Variants in FXR1 observed in about 807,000 individuals in gnomAD.
FXR1 encodes the protein FMR1 autosomal homolog 1, also known as RNA-binding protein FXR1.
FXR1 carries 15 observed loss-of-function variants against 84.0 expected under a neutral mutation model. That is an observed-to-expected ratio of 0.18 (90% CI 0.12 to 0.27). FXR1 has a LOEUF of 0.27. Among genes scored for constraint, FXR1 ranks in the 10% least tolerant of loss-of-function variants. The pLI is 1.00. For synonymous variants in FXR1, 245 were observed against 250.7 expected, an observed-to-expected ratio of 0.98 and a Z score of 0.21; for missense variants, 480 against 774.4, an observed-to-expected ratio of 0.62 and a Z score of 4.51.
chr3:180,943,597 T>A (rs1281631498), intron 3 of FXR1, among the ~76,000 whole-genome samples: 1 of 152,132 alleles, frequency 6.6e-6, no homozygotes, highest in Non-Finnish European at 1.5e-5. Flanking sequence ...CTTAGGAATT[T>A]AGGTTTAGTC....
chr3:180,931,225 T>G (rs1169036456), intron 1 of FXR1, among the ~76,000 whole-genome samples: 3 of 151,990 alleles, frequency 2.0e-5, no homozygotes, highest in African/African-American at 4.8e-5. Context: ...GTCTTTTTTG[T>G]TTTTTTCTTT....
In FXR1 at chr3:180,954,987, A is replaced by AT. The variant is rs35677270; in HGVS notation, c.880+1165dup. 4.4e-3 allele frequency among the ~76,000 whole-genome samples: 580 copies of AT among 132,694 alleles called. 3 individuals carry two copies. Among genetic ancestry groups the AT allele is most frequent in the South Asian group, 0.023 (96 of 4,104 alleles). The allele number at this position is 132,694 out of a possible 152,430, so 87.1% of individuals were successfully genotyped here. On this transcript the variant is annotated intron_variant, in intron 9 of 16. Coordinates refer to ENST00000357559, the MANE Select transcript of FXR1 (RefSeq NM_005087.4). Reference sequence around the variant, plus strand: ...ACTGTTAGTATTTATGTAAAAATAAATTTTTTTTTTTTTTTTTTGGAGATG... The same window carrying AT: ...ACTGTTAGTATTTATGTAAAAATAAATTTTTTTTTTTTTTTTTTTGGAGATG...
intron 1 of FXR1, among the ~76,000 whole-genome samples, chr3:180,926,262 A>T (rs1010224406): frequency 6.6e-6 from 1 of 152,088 alleles, no homozygotes. Context: ...CAAACTATGT[A>T]AGAATACTTG....
intron 1 of FXR1, among the ~76,000 whole-genome samples, chr3:180,930,509 AC>A (rs1719761327): frequency 6.6e-6 from 1 of 152,186 alleles, no homozygotes; most frequent in South Asian, 2.1e-4. Context: ...TTATACAGAG[AC>A]TAGAAAGATT....
intron 11 of FXR1, 150 bp from the exon 12 acceptor site, chr3:180,962,733 C>G (rs925772862): frequency 1.6e-6 from 1 of 625,918 alleles, no homozygotes; most frequent in Admixed American, 2.9e-5. Flanking sequence ...CAAATGACCT[C>G]ATCAATTCTG....
chr3:180,971,361 A>G (rs1415187322), intron 15 of FXR1: 3 of 167,228 alleles, frequency 1.8e-5, no homozygotes, highest in East Asian at 1.7e-4. Context: ...TAACTTGTCT[A>G]ATTGAACTAA....
Position 180,948,513 on chromosome 3 carries a change from C to G in FXR1, c.419+18C>G. ...AGAGAGGCGTGAGTAATTTTATATA[C>G]TATTGAATTGTTCTGTGAATTAAGA... On this transcript the variant is annotated intron_variant, in intron 5 of 16. Coordinates refer to ENST00000357559, the MANE Select transcript of FXR1 (RefSeq NM_005087.4). The G allele has an allele frequency of 2.6e-6, 4 of 1,535,986 alleles. No homozygotes were observed. In the East Asian group the frequency reaches 6.7e-5, roughly 26 times the overall value.
In FXR1 at chr3:180,982,631, TATC is replaced by T. The variant is rs1294594257; in HGVS notation, c.*6341_*6343del. 3 of 152,194 alleles carry T rather than the reference TATC, an allele frequency of 2.0e-5. No homozygotes were observed. The highest frequency in any genetic ancestry group is 2.9e-5 in the Non-Finnish European group (2 of 68,008). The allele number at this position is 152,194 out of a possible 1,614,324, so 9.4% of individuals were successfully genotyped here. A position where few individuals can be genotyped will look rare whatever the true frequency, so the allele number is the denominator to read the frequency against. ...AATGCTTCATTGCCTGTCGGCATAT[TATC>T]ACTATCTGTCTTTGAAAAATTTTCT... On this transcript the variant is annotated 3_prime_UTR_variant, in exon 17 of 17. Transcript: ENST00000357559.
chr3:180,939,772 T>A (rs940364323), intron 3 of FXR1, among the ~76,000 whole-genome samples: 15 of 152,208 alleles, frequency 9.9e-5, no homozygotes, highest in African/African-American at 3.4e-4. Flanking sequence ...GTCAGTTTTG[T>A]GCCAGACTCA....
intron 13 of FXR1, among the ~76,000 whole-genome samples, chr3:180,964,163 C>T (rs1712497395): frequency 6.6e-6 from 1 of 151,964 alleles, no homozygotes; most frequent in African/African-American, 2.4e-5. Flanking sequence ...AGTATTGAAA[C>T]CTAAACAGCA....
At chr3:180,975,794 G>GT (rs1371982061) in intron 16 of FXR1, among the ~76,000 whole-genome samples, 1 of 152,146 alleles carries the variant, frequency 6.6e-6, no homozygotes, top group Non-Finnish European at 1.5e-5. Flanking sequence ...GGTGAGTAAA[G>GT]TAGGTGATTA....
intron 1 of FXR1, chr3:180,933,038 A>G: frequency 3.3e-6 from 1 of 304,866 alleles, no homozygotes; most frequent in Non-Finnish European, 6.0e-6. Flanking sequence ...ACTCTTAGTC[A>G]CAATACTAAA....
chr3:180,965,011 T>C (rs1675402055), intron 13 of FXR1, among the ~76,000 whole-genome samples: 3 of 152,002 alleles, frequency 2.0e-5, no homozygotes, highest in Non-Finnish European at 4.4e-5. Context: ...GATGTCATTA[T>C]GTTTTGTTAC....
At chr3:180,938,336 G>T (rs1398244659) in intron 3 of FXR1, among the ~76,000 whole-genome samples, 1 of 152,048 alleles carries the variant, frequency 6.6e-6, no homozygotes, top group Non-Finnish European at 1.5e-5. Context: ...TTAAGTGACT[G>T]TATTATATTG....
At chr3:180,936,146 C>T (rs910985150) in intron 3 of FXR1, among the ~76,000 whole-genome samples, 4 of 152,034 alleles carry the variant, frequency 2.6e-5, no homozygotes, top group East Asian at 1.9e-4. Flanking sequence ...CCCACTTTGT[C>T]CCCCCAAAAT....
intron 1 of FXR1, among the ~76,000 whole-genome samples, chr3:180,925,275 C>T (rs550834661): frequency 2.0e-5 from 3 of 151,770 alleles, no homozygotes; most frequent in East Asian, 1.9e-4. Context: ...GCAGAAGAAT[C>T]GCTTGAACTG....
chr3:180,937,699 G>A (rs868542970), intron 3 of FXR1, among the ~76,000 whole-genome samples: 9 of 151,868 alleles, frequency 5.9e-5, no homozygotes, highest in African/African-American at 2.2e-4. Flanking sequence ...TTTTGTCACC[G>A]TTTATTAAGG....
At chr3:180,956,797 T>C (rs1429871916) in intron 9 of FXR1, among the ~76,000 whole-genome samples, 1 of 152,132 alleles carries the variant, frequency 6.6e-6, no homozygotes, top group African/African-American at 2.4e-5. Flanking sequence ...AAACCCATTA[T>C]AGTCCTTTTA....
chr3:180,971,325 T>C (rs928739886), intron 15 of FXR1: 1 of 167,526 alleles, frequency 6.0e-6, no homozygotes, highest in African/African-American at 2.4e-5. Flanking sequence ...ATTAAGAAAA[T>C]GCATTCTTCC....
Sources: allele counts gnomAD v4.1 joint callset (sites outside exome capture counted in the v4.1 genomes callset), GRCh38; gene constraint gnomAD v4.1.1; transcripts MANE v1.5; gene names NCBI Gene and HGNC (gene_info 2026-07-23, HGNC 2026-07-21).